Variants in ADCY10 observed in about 807,000 individuals in gnomAD.
The protein encoded by ADCY10 is adenylate cyclase type 10.
In ADCY10, 156 loss-of-function variants were observed where a neutral mutation model predicts 183.3. The observed-to-expected ratio is 0.85, with a 90% CI of 0.75 to 0.97. The LOEUF is 0.97. Ranked by LOEUF, ADCY10 falls within the 50% of genes least tolerant of loss-of-function variation. The pLI is 0.00. For missense variants in ADCY10, 1,745 were observed against 1,934.3 expected (o/e 0.90, Z 1.84); for synonymous variants, 645 against 670.0 (o/e 0.96, Z 0.58).
chr1:167,845,422 G>A (rs1005360089), intron 21 of ADCY10, 141 bp downstream of exon 21: 11 of 821,984 alleles, frequency 1.3e-5, no homozygotes, highest in Non-Finnish European at 1.8e-5. Flanking sequence ...CATTGGCCTA[G>A]GCTGCTGAAG....
chr1:167,890,958 T>TTAG (rs1558239867), intron 8 of ADCY10, among the ~76,000 whole-genome samples: 1 of 151,574 alleles, frequency 6.6e-6, no homozygotes, highest in Non-Finnish European at 1.5e-5. Flanking sequence ...TATTTATTTA[T>TTAG]TTAGTTAGTT....
chr1:167,833,985 G>A lies in ADCY10; in HGVS notation c.3402C>T (p.Tyr1134=). 2 of 1,613,822 alleles carry A rather than the reference G, an allele frequency of 1.2e-6. No individual in the cohort carries two copies. The highest frequency in any genetic ancestry group is 1.7e-6 in the Non-Finnish European group (2 of 1,179,744). ...GGTTTCTTACCTCACCTTTGAGGCT[G>A]TAAAAGGTGGCAGACTCAAATGTCT... ...WSQTFESATF[Y]SLKGEVCFNM... Residue 1134 remains tyrosine (Y), a synonymous_variant, in exon 24 of 33, where the codon TAC becomes TAT. Coordinates refer to ENST00000367851, the MANE Select transcript of ADCY10 (RefSeq NM_018417.6).
intron 30 of ADCY10, chr1:167,821,014 A>G (rs1662875001): frequency 6.6e-6 from 1 of 152,228 alleles, no homozygotes; most frequent in African/African-American, 2.4e-5. Flanking sequence ...GAATGTCTTC[A>G]TATTGTCATT....
chr1:167,890,161 T>C (rs1463559402), intron 8 of ADCY10, among the ~76,000 whole-genome samples: 7 of 152,226 alleles, frequency 4.6e-5, no homozygotes, highest in Admixed American at 3.9e-4. Context: ...GTATTTATTG[T>C]AGTCTTTGAC....
chr1:167,878,603 T>C lies in ADCY10; in HGVS notation c.1249A>G (p.Met417Val), dbSNP rs200050560. Residue 417 changes from methionine to valine, a missense_variant, in exon 12 of 33, where the codon ATG (methionine) becomes GTG (valine). Met to Val is a conservative substitution (Grantham distance 21). Transcript: ENST00000367851. ...ACAATTCCTGGGTAGTACATCATCA[T>C]CCTGGCAGCTAAGTTGACTTTTTGA... ...IGQKVNLAAR[M>V]MMYYPGIVTC... 10 of 1,614,160 alleles carry C rather than the reference T, an allele frequency of 6.2e-6. No individual in the cohort carries two copies. The East Asian group carries it at 2.2e-4, about 36-fold the overall frequency.
At chr1:167,881,206 T>G (rs1427258479) in intron 9 of ADCY10, among the ~76,000 whole-genome samples, 1 of 152,224 alleles carries the variant, frequency 6.6e-6, no homozygotes. Flanking sequence ...GTAGGTTTTC[T>G]TATCATAAAG....
chr1:167,890,533 C>T (rs974430588), intron 8 of ADCY10, among the ~76,000 whole-genome samples: 10 of 152,116 alleles, frequency 6.6e-5, no homozygotes, highest in African/African-American at 2.4e-4. Context: ...CTGGATATTG[C>T]CCAAGGCCCA....
At chr1:167,893,538 C>T (rs543915257) in intron 8 of ADCY10, among the ~76,000 whole-genome samples, 3 of 151,998 alleles carry the variant, frequency 2.0e-5, no homozygotes, top group Non-Finnish European at 2.9e-5. Context: ...CATGGTGAAG[C>T]TCCATCTCTA....
At chr1:167,910,930 A>G (rs957161424) in intron 1 of ADCY10, among the ~76,000 whole-genome samples, 11 of 152,218 alleles carry the variant, frequency 7.2e-5, no homozygotes, top group African/African-American at 2.7e-4. Flanking sequence ...TTTTTAGTAT[A>G]AATATATTCC....
chr1:167,903,776 G>A, intron 3 of ADCY10, 111 bp downstream of exon 3: 1 of 772,860 alleles, frequency 1.3e-6, no homozygotes, highest in Non-Finnish European at 2.3e-6. Flanking sequence ...ACATTTCATG[G>A]GGAAGAGGAG....
chr1:167,818,062 T>C lies in ADCY10; in HGVS notation c.4482+10A>G. On this transcript the variant is annotated intron_variant, in intron 31 of 32. Transcript: ENST00000367851. ...ATATTTTATACTGGAAACTGGAGAA[T>C]AGGCCTCACCTTGAGTAGCTCCTCC... is the stretch of plus-strand genomic sequence containing the variant. The C allele has an allele frequency of 6.2e-7, 1 of 1,613,678 alleles. No homozygotes were observed. Among genetic ancestry groups the C allele is most frequent in the Non-Finnish European group, 8.5e-7 (1 of 1,179,550 alleles).
intron 5 of ADCY10, 130 bp from the exon 6 acceptor site, chr1:167,899,758 T>G (rs1158709203): frequency 1.2e-6 from 1 of 846,620 alleles, no homozygotes; most frequent in Non-Finnish European, 1.9e-6. Context: ...TTCTAAAACT[T>G]TACATAGGAA....
At chr1:167,897,477 A>T (rs1271009037) in intron 6 of ADCY10, among the ~76,000 whole-genome samples, 1 of 150,108 alleles carries the variant, frequency 6.7e-6, no homozygotes, top group Non-Finnish European at 1.5e-5. Flanking sequence ...CCACTGGGTG[A>T]CAGAGTAAGA....
At chr1:167,844,982 C>G (rs1187883071) in intron 21 of ADCY10, among the ~76,000 whole-genome samples, 1 of 152,128 alleles carries the variant, frequency 6.6e-6, no homozygotes, top group East Asian at 1.9e-4. Context: ...CCTTACACCC[C>G]CTGAATCCTC....
At chr1:167,896,751 T>G (rs975926800) in intron 6 of ADCY10, 60 bp from the exon 7 acceptor site, 1 of 1,189,468 alleles carries the variant, frequency 8.4e-7, no homozygotes, top group Non-Finnish European at 1.3e-6. Context: ...TCCTTTGAAG[T>G]GTAATTTCTT....
intron 29 of ADCY10, 100 bp from the exon 30 acceptor site, chr1:167,822,241 G>A: frequency 2.4e-6 from 2 of 844,840 alleles, no homozygotes; most frequent in Non-Finnish European, 4.1e-6. Flanking sequence ...AGGGAGAGTT[G>A]CCTCTGATTA....
intron 18 of ADCY10, among the ~76,000 whole-genome samples, chr1:167,852,303 C>T (rs375733615): frequency 8.5e-4 from 130 of 152,094 alleles, no homozygotes; most frequent in African/African-American, 3.0e-3. Flanking sequence ...ATTAGCTGGG[C>T]GGTAGTGGTG....
At chr1:167,873,737 C>T (rs939381100) in intron 13 of ADCY10, among the ~76,000 whole-genome samples, 1 of 151,852 alleles carries the variant, frequency 6.6e-6, no homozygotes, top group Admixed American at 6.6e-5. Context: ...AAGGTAAAAA[C>T]AAAATTTCTG....
At chr1:167,810,668 G>A in intron 32 of ADCY10, 57 bp downstream of exon 32, 1 of 1,561,506 alleles carries the variant, frequency 6.4e-7, no homozygotes, top group African/African-American at 1.4e-5. Context: ...GTAGGCTTCT[G>A]GGCTTCTTTA....
Sources: allele counts gnomAD v4.1 joint callset (sites outside exome capture counted in the v4.1 genomes callset), GRCh38; gene constraint gnomAD v4.1.1; transcripts MANE v1.5; gene names NCBI Gene and HGNC (gene_info 2026-07-23, HGNC 2026-07-21).